PKNOX2: variants seen among roughly 807,000 people sequenced by gnomAD.
PKNOX2 encodes homeobox protein PKNOX2.
Under a neutral mutation model 53.1 loss-of-function variants are expected in PKNOX2, and 14 were observed. That is an observed-to-expected ratio of 0.26 (90% CI 0.17 to 0.41). The LOEUF is 0.41. Among genes scored for constraint, PKNOX2 ranks in the 10% least tolerant of loss-of-function variants. The pLI is 1.00. For synonymous variants in PKNOX2, 257 were observed against 242.8 expected, an observed-to-expected ratio of 1.06 and a Z score of -0.54; for missense variants, 496 against 602.8, an observed-to-expected ratio of 0.82 and a Z score of 1.85.
chr11:125,286,538 T>A lies in PKNOX2; in HGVS notation c.-129-45281T>A, dbSNP rs11220006. Among the ~76,000 whole-genome samples the A allele has an allele frequency of 5.5e-3, 836 of 152,336 alleles. 6 individuals are homozygous for A. The highest frequency in any genetic ancestry group is 8.5e-3 in the Non-Finnish European group (577 of 68,018). On this transcript the variant is annotated intron_variant, in intron 2 of 12. Transcript: ENST00000298282. ...CACAGTGCAACCTCTGTCCACCCCC[T>A]TGGCCCTATGCCACCCCTTCGCCAC...
chr11:125,357,353 G>C (rs1297394200), intron 4 of PKNOX2, among the ~76,000 whole-genome samples: 1 of 152,162 alleles, frequency 6.6e-6, no homozygotes, highest in Non-Finnish European at 1.5e-5. Context: ...GCCCATGTAG[G>C]AGATGGTGGG....
intron 7 of PKNOX2, among the ~76,000 whole-genome samples, chr11:125,405,100 A>AC (rs1955000231): frequency 6.6e-6 from 1 of 151,990 alleles, no homozygotes. Flanking sequence ...TCCGCACTGC[A>AC]CCCCACTCCG....
chr11:125,317,325 G>A (rs1949259258), intron 2 of PKNOX2, among the ~76,000 whole-genome samples: 2 of 152,204 alleles, frequency 1.3e-5, no homozygotes, highest in Non-Finnish European at 2.9e-5. Context: ...AATCATGAAT[G>A]CTCTTAATGG....
chr11:125,290,341 A>G (rs959603514), intron 2 of PKNOX2, among the ~76,000 whole-genome samples: 1 of 152,122 alleles, frequency 6.6e-6, no homozygotes, highest in Non-Finnish European at 1.5e-5. Flanking sequence ...CTTTTGGGGA[A>G]ATGGAGTGGC....
intron 2 of PKNOX2, among the ~76,000 whole-genome samples, chr11:125,308,391 C>T (rs1277240529): frequency 3.9e-5 from 6 of 152,328 alleles, no homozygotes; most frequent in Middle Eastern, 3.4e-3. Flanking sequence ...CAGTCCTGCT[C>T]ATGCTCTGGG....
chr11:125,304,384 C>T (rs980121974), intron 2 of PKNOX2, among the ~76,000 whole-genome samples: 1 of 152,204 alleles, frequency 6.6e-6, no homozygotes, highest in African/African-American at 2.4e-5. Flanking sequence ...AATTAGCATG[C>T]AGTTTGGAGC....
At chr11:125,378,156 AG>A (rs1385329031) in intron 5 of PKNOX2, among the ~76,000 whole-genome samples, 2 of 152,230 alleles carry the variant, frequency 1.3e-5, no homozygotes, top group Non-Finnish European at 2.9e-5. Flanking sequence ...TAAGAAATAA[AG>A]GCTCAGAACG....
At chr11:125,297,141 AC>A (rs1947712854) in intron 2 of PKNOX2, among the ~76,000 whole-genome samples, 2 of 152,236 alleles carry the variant, frequency 1.3e-5, no homozygotes, top group African/African-American at 4.8e-5. Context: ...TATGTCATTT[AC>A]TTTTCACAAC....
At position 125,315,728 on chromosome 11, in the gene PKNOX2, G is replaced by A. The variant is rs145852634; in HGVS notation, c.-129-16091G>A. The stretch of plus-strand genomic sequence containing the variant: ...GTGGGCAGCTTCTCAGTCCAGTGGT[G>A]GCTGGGCTAGAAAAGCCTTAGTGTT... On this transcript the variant is annotated intron_variant, in intron 2 of 12. Transcript: ENST00000298282. 6.8e-3 allele frequency among the ~76,000 whole-genome samples: 1,042 copies of A among 152,264 alleles called. 14 individuals are homozygous for A. Among genetic ancestry groups the A allele is most frequent in the African/African-American group, 0.024 (989 of 41,546 alleles).
chr11:125,276,569 A>C (rs1946174459), intron 2 of PKNOX2, among the ~76,000 whole-genome samples: 1 of 152,202 alleles, frequency 6.6e-6, no homozygotes, highest in African/African-American at 2.4e-5. Context: ...TGAGACAGAC[A>C]CAATAAAGGG....
rs76170616 is a variant in PKNOX2 at position 125,299,698 on chromosome 11, T to A, written c.-129-32121T>A. On this transcript the variant is annotated intron_variant, in intron 2 of 12. Transcript: ENST00000298282. The stretch of plus-strand genomic sequence containing the variant: ...GGAAGTGTTTCACAAACTGTGCTGG[T>A]AGATGCCTGAAGTCGTTTTCCTGGG... 1.9e-3 allele frequency among the ~76,000 whole-genome samples: 296 copies of A among 152,288 alleles called. 8 individuals carry two copies. The East Asian group carries it at 0.042, about 21-fold the overall frequency.
chr11:125,194,049 C>T (rs931269509), intron 1 of PKNOX2, among the ~76,000 whole-genome samples: 4 of 152,168 alleles, frequency 2.6e-5, no homozygotes, highest in African/African-American at 9.7e-5. Flanking sequence ...GGCAGGGCCC[C>T]GTAGGAGGGG....
chr11:125,223,352 C>A (rs535306206), intron 1 of PKNOX2, among the ~76,000 whole-genome samples: 19 of 152,196 alleles, frequency 1.2e-4, no homozygotes, highest in African/African-American at 4.1e-4. Context: ...GCCTCAGCGT[C>A]CTGAGCAGCT....
intron 2 of PKNOX2, among the ~76,000 whole-genome samples, chr11:125,308,503 T>C (rs1255164905): frequency 6.6e-6 from 1 of 152,160 alleles, no homozygotes; most frequent in Non-Finnish European, 1.5e-5. Context: ...CACCATGATC[T>C]CTCCCAAGAG....
rs754681588 is a variant in PKNOX2 at position 125,431,186 on chromosome 11, C to G, written c.1213C>G (p.Leu405Val). 6.2e-7 allele frequency: 1 copy of G among 1,613,696 alleles called. No individual in the cohort carries two copies. Among genetic ancestry groups the G allele is most frequent in the Non-Finnish European group, 8.5e-7 (1 of 1,179,860 alleles). Reference protein sequence around the residue: ...NPDGSINLDNLQSLSSDSATM... With the variant: ...NPDGSINLDNVQSLSSDSATM... ...CGCAGGTTCCATCAACTTGGACAACCTGCAGTCCCTGTCCTCAGACAGTGC... is the reference window on the plus strand; with the variant it reads ...CGCAGGTTCCATCAACTTGGACAACGTGCAGTCCCTGTCCTCAGACAGTGC... Residue 405 changes from leucine (L) to valine (V), a missense_variant, in exon 13 of 13, where the codon CTG (leucine) becomes GTG (valine). This residue lies in a region of PKNOX2 where 139 missense variants were observed against 161.3 expected (regional missense o/e 0.86). Transcript: ENST00000298282.
rs756016052 is a variant in PKNOX2, at chr11:125,210,333, G to A, written c.-200-24712G>A. 7.9e-5 allele frequency among the ~76,000 whole-genome samples: 12 copies of A among 152,116 alleles called. 1 individual carries two copies. Among genetic ancestry groups the A allele is most frequent in the Non-Finnish European group, 1.8e-4 (12 of 67,984 alleles). ...CAGGAATCTGCCCTTCTCTCTTTGG[G>A]GATGTCATCTCGCCCTTTAGGGAAG... On this transcript the variant is annotated intron_variant, in intron 1 of 12. Transcript: ENST00000298282.
At position 125,431,500 on chromosome 11, in the gene PKNOX2, G is replaced by C; in HGVS notation, c.*108G>C. ...GGGCAGGAAGCACCGAGGGAGTTGG[G>C]CCCTAGCTTCCCCAAATCAGTAGCT... On this transcript the variant is annotated 3_prime_UTR_variant, in exon 13 of 13. Coordinates refer to ENST00000298282, the MANE Select transcript of PKNOX2 (RefSeq NM_001382323.2). 1 of 1,102,844 alleles carries C rather than the reference G, an allele frequency of 9.1e-7. No homozygotes were observed. The highest frequency in any genetic ancestry group is 1.2e-6 in the Non-Finnish European group (1 of 812,542). 68.3% of individuals were successfully genotyped at this position (1,102,844 alleles called of 1,614,324 possible). A position where few individuals can be genotyped will look rare whatever the true frequency, so the allele number is the denominator to read the frequency against.
intron 5 of PKNOX2, among the ~76,000 whole-genome samples, chr11:125,373,693 C>T (rs932903213): frequency 1.3e-5 from 2 of 152,178 alleles, no homozygotes; most frequent in Non-Finnish European, 2.9e-5. Context: ...GTGGTCTTCA[C>T]TCTACAATTC....
At chr11:125,386,598 C>T (rs1242283440) in intron 6 of PKNOX2, among the ~76,000 whole-genome samples, 2 of 152,078 alleles carry the variant, frequency 1.3e-5, no homozygotes, top group African/African-American at 4.8e-5. Context: ...AATTCTCCCC[C>T]ACAAATTGAT....
Sources: gnomAD v4.1 joint callset for allele counts (sites outside exome capture counted in the v4.1 genomes callset) on GRCh38, gnomAD v4.1.1 for gene constraint, gnomAD v4.1.1 regional missense constraint, MANE v1.5 for transcripts, NCBI Gene and HGNC (gene_info 2026-07-23, HGNC 2026-07-21) for gene names.